Variants in ZNF341 observed in about 807,000 individuals in gnomAD.
ZNF341 encodes zinc finger protein 341.
Under a neutral mutation model 87.7 loss-of-function variants are expected in ZNF341, and 52 were observed. The ratio of observed to expected loss-of-function variants is 0.59; its 90% CI spans 0.47 to 0.75. ZNF341 has a LOEUF of 0.75. ZNF341 is among the 30% of genes least tolerant of loss of function. ZNF341 has a pLI of 0.00. For missense variants in ZNF341, 977 were observed against 1,145.9 expected, an observed-to-expected ratio of 0.85 and a Z score of 2.13; for synonymous variants, 459 against 472.7, an observed-to-expected ratio of 0.97 and a Z score of 0.38.
rs2747563 is a variant in ZNF341 at position 33,788,565 on chromosome 20, C to T, written c.1853-298C>T. ...CCTGTTGTTCATCAGCACCGCCAAA[C>T]GCACTCCTGCCTCAGGGCCTTTGTA... On this transcript the variant is annotated intron_variant, in intron 12 of 14. Coordinates refer to ENST00000375200, the MANE Select transcript of ZNF341 (RefSeq NM_001282933.2). The T allele has an allele frequency of 9.6e-4, 416 of 431,262 alleles. 2 individuals are homozygous for T. The highest frequency in any genetic ancestry group is 7.5e-3 in the African/African-American group (373 of 49,766). The allele number at this position is 431,262 out of a possible 1,614,324, so 26.7% of individuals were successfully genotyped here.
chr20:33,764,543 G>GTATATATA (rs1171402724), intron 8 of ZNF341, among the ~76,000 whole-genome samples: 188 of 69,326 alleles, frequency 2.7e-3, no homozygotes, highest in Middle Eastern at 0.014. Flanking sequence ...GTGTGTATGT[G>GTATATATA]TATATATATA....
In ZNF341 at chr20:33,783,760, G is replaced by A. The variant is rs781037628; in HGVS notation, c.1748G>A (p.Arg583His). The A allele has an allele frequency of 2.5e-5, 41 of 1,613,714 alleles. No homozygotes were observed. The highest frequency in any genetic ancestry group is 2.2e-5 in the South Asian group (2 of 91,082). ...KVFPCERYLR[R>H]HLPTHGSGGR... ...TTTCCTTGTGAACGCTACCTGCGGC[G>A]TCATCTGCCCACCCACGGCAGCGGG... is the stretch of plus-strand genomic sequence containing the variant. The change falls in exon 12 of 15, where the codon CGT becomes CAT. Residue 583 changes from arginine to histidine, a missense_variant. Arg to His is a conservative substitution (Grantham distance 29, BLOSUM62 0). Around this residue, in one of 3 missense-constraint regions of ZNF341, gnomAD observed 241 missense variants for 335.0 expected, o/e 0.72. Coordinates refer to ENST00000375200, the MANE Select transcript of ZNF341 (RefSeq NM_001282933.2).
Position 33,749,212 on chromosome 20 carries a change from C to T in ZNF341, c.489+140C>T, listed in dbSNP as rs543565243. 52 of 1,244,676 alleles carry T rather than the reference C, an allele frequency of 4.2e-5. 1 individual carries two copies. In the South Asian group the frequency reaches 8.4e-4, roughly 20 times the overall value. 77.1% of individuals were successfully genotyped at this position (1,244,676 alleles called of 1,614,324 possible). ...AGGGAGGCTATCAGCTTTCCCTTGT[C>T]CAGCTCTGCTATAGATGGGGAAGCT... On this transcript the variant is annotated intron_variant, in intron 4 of 14. Coordinates refer to ENST00000375200, the MANE Select transcript of ZNF341 (RefSeq NM_001282933.2).
At chr20:33,761,724 G>T in intron 7 of ZNF341, 138 bp from the exon 8 acceptor site, 2 of 682,966 alleles carry the variant, frequency 2.9e-6, no homozygotes, top group Non-Finnish European at 4.5e-6. Context: ...TCAGCGAAGG[G>T]GCTTGTCGCC....
chr20:33,739,701 A>C (rs183533140), intron 1 of ZNF341, among the ~76,000 whole-genome samples: 2 of 152,126 alleles, frequency 1.3e-5, no homozygotes, highest in South Asian at 4.1e-4. Flanking sequence ...TTCTGGAGGG[A>C]CTTTGTCACC....
At chr20:33,735,108 G>T (rs1305557605) in intron 1 of ZNF341, among the ~76,000 whole-genome samples, 2 of 152,106 alleles carry the variant, frequency 1.3e-5, no homozygotes. Flanking sequence ...TTGGCTCACT[G>T]CAACCTCTGC....
At chr20:33,743,568 A>G (rs1446442877) in intron 2 of ZNF341, among the ~76,000 whole-genome samples, 1 of 151,956 alleles carries the variant, frequency 6.6e-6, no homozygotes, top group African/African-American at 2.4e-5. Flanking sequence ...TGAATTCCTG[A>G]CCTCAAGTGA....
chr20:33,768,499 T>C (rs138787929), intron 9 of ZNF341, among the ~76,000 whole-genome samples: 1,810 of 151,938 alleles, frequency 0.012, 42 homozygotes, highest in African/African-American at 0.042. Context: ...CTCAGCTCAC[T>C]GTAACCGCCA....
chr20:33,758,173 G>C (rs2019219437), intron 6 of ZNF341, among the ~76,000 whole-genome samples: 1 of 152,078 alleles, frequency 6.6e-6, no homozygotes. Context: ...AAATATTTCT[G>C]GGTTGCTCCA....
At chr20:33,743,842 T>A (rs543918557) in intron 2 of ZNF341, among the ~76,000 whole-genome samples, 1 of 152,292 alleles carries the variant, frequency 6.6e-6, no homozygotes, top group African/African-American at 2.4e-5. Flanking sequence ...ATTGAGAACC[T>A]CCTCTGTGTC....
chr20:33,762,568 G>T (rs959712245), intron 8 of ZNF341, among the ~76,000 whole-genome samples: 1 of 151,192 alleles, frequency 6.6e-6, no homozygotes, highest in Non-Finnish European at 1.5e-5. Flanking sequence ...TGCAGAACGT[G>T]CAGGTTTGTT....
At chr20:33,736,341 T>C (rs2018684800) in intron 1 of ZNF341, among the ~76,000 whole-genome samples, 1 of 152,028 alleles carries the variant, frequency 6.6e-6, no homozygotes, top group Non-Finnish European at 1.5e-5. Context: ...CTACCTTGCC[T>C]TTAACCTCCA....
Position 33,792,240 on chromosome 20 carries a change from G to A in ZNF341, c.*723G>A, listed in dbSNP as rs575349032. On this transcript the variant is annotated 3_prime_UTR_variant, in exon 15 of 15. Coordinates refer to ENST00000375200, the MANE Select transcript of ZNF341 (RefSeq NM_001282933.2). ...TGGCATGGTGCCCGGCACGCAGAAA[G>A]TGCTCAATAAATGTTTTTGTCATAA... 1.3e-5 allele frequency: 2 copies of A among 152,414 alleles called. No individual in the cohort carries two copies. The highest frequency in any genetic ancestry group is 4.1e-4 in the South Asian group (2 of 4,834). 9.4% of individuals were successfully genotyped at this position (152,414 alleles called of 1,614,324 possible).
At chr20:33,741,335 A>G (rs2018797327) in intron 2 of ZNF341, among the ~76,000 whole-genome samples, 1 of 151,998 alleles carries the variant, frequency 6.6e-6, no homozygotes, top group South Asian at 2.1e-4. Flanking sequence ...CCTTCTGTGG[A>G]AAGAATAGGC....
At position 33,732,613 on chromosome 20, in the gene ZNF341, G is replaced by T. The variant is rs185297265; in HGVS notation, c.31+561G>T. Among the ~76,000 whole-genome samples the T allele has an allele frequency of 6.1e-4, 93 of 152,366 alleles. No homozygotes were observed. In the East Asian group the frequency reaches 0.017, roughly 28 times the overall value. On this transcript the variant is annotated intron_variant, in intron 1 of 14. Transcript: ENST00000375200. The surrounding 1 kb of genome is among the most constrained non-coding windows in gnomAD (Gnocchi z 4.5). Reference sequence around the variant, plus strand: ...GGACCCAAGCCAGCAAACACCTGGCGCCTGCAGTGCGCACCGTGGCCGGTG... The same window carrying T: ...GGACCCAAGCCAGCAAACACCTGGCTCCTGCAGTGCGCACCGTGGCCGGTG...
intron 7 of ZNF341, among the ~76,000 whole-genome samples, chr20:33,761,167 A>G (rs1220030063): frequency 6.6e-6 from 1 of 152,112 alleles, no homozygotes; most frequent in Non-Finnish European, 1.5e-5. Flanking sequence ...TTTAAGTTTT[A>G]AAAAAGTGAG....
At position 33,791,035 on chromosome 20, in the gene ZNF341, C is replaced by T. The variant is rs764220500; in HGVS notation, c.2083C>T (p.Arg695Cys). 17 of 1,613,400 alleles carry T rather than the reference C, an allele frequency of 1.1e-5. No individual in the cohort carries two copies. The highest frequency in any genetic ancestry group is 8.8e-5 in the South Asian group (8 of 91,072). Residue 695 changes from arginine (R) to cysteine (C), a missense_variant, in exon 15 of 15, where the codon CGT becomes TGT. Physicochemically the swap from Arg to Cys is radical, Grantham distance 180 (BLOSUM62 -3). This residue lies in a region of ZNF341 where 241 missense variants were observed against 335.0 expected (regional missense o/e 0.72). Coordinates refer to ENST00000375200, the MANE Select transcript of ZNF341 (RefSeq NM_001282933.2). ...CCTGTGCAGCAAGTCCTTCAGCCGC[C>T]GTGCCCACCTCGCCGAGCATCAGCG... is the stretch of plus-strand genomic sequence containing the variant. The part of the protein sequence containing the change: ...CALCSKSFSR[R>C]AHLAEHQRAH...
At chr20:33,747,370 C>T (rs1416845783) in intron 3 of ZNF341, among the ~76,000 whole-genome samples, 6 of 136,308 alleles carry the variant, frequency 4.4e-5, no homozygotes, top group Non-Finnish European at 7.4e-5. Flanking sequence ...AATCCCAGCA[C>T]TTTGGGAGGC....
chr20:33,778,572 A>G (rs573969256), intron 10 of ZNF341, among the ~76,000 whole-genome samples: 1 of 152,208 alleles, frequency 6.6e-6, no homozygotes, highest in Non-Finnish European at 1.5e-5. Flanking sequence ...CGGCCTCCCA[A>G]AGTGCTGGGA....
Sources: allele counts gnomAD v4.1 joint callset (sites outside exome capture counted in the v4.1 genomes callset), GRCh38; gene constraint gnomAD v4.1.1; regional missense constraint gnomAD v4.1.1; non-coding constraint Gnocchi (gnomAD v3.1); transcripts MANE v1.5; gene names NCBI Gene and HGNC (gene_info 2026-07-23, HGNC 2026-07-21).